The following PDE1A variants were observed in gnomAD, a reference collection of about 807,000 sequenced individuals.
PDE1A encodes phosphodiesterase 1A.
A neutral mutation model predicts 61.7 loss-of-function variants in PDE1A; 35 were observed. That is an observed-to-expected ratio of 0.57 (90% CI 0.43 to 0.75). PDE1A has a LOEUF of 0.75. Ranked by LOEUF, PDE1A falls within the 30% of genes least tolerant of loss-of-function variation. The probability of loss-of-function intolerance (pLI) is 0.00; values close to 1 mark genes in which losing one functional copy is unlikely to be tolerated. For synonymous variants in PDE1A, 232 were observed against 213.2 expected (o/e 1.09, Z -0.77); for missense variants, 597 against 630.6 (o/e 0.95, Z 0.57).
At chr2:182,302,219 T>G (rs1695291758) in intron 1 of PDE1A, among the ~76,000 whole-genome samples, 1 of 152,186 alleles carries the variant, frequency 6.6e-6, no homozygotes, top group African/African-American at 2.4e-5. Flanking sequence ...ATCTGACTTT[T>G]TTCTCTGGCT....
chr2:182,562,971 G>A, the PDE1A span, among the ~76,000 whole-genome samples: 5 of 152,038 alleles, frequency 3.3e-5, no homozygotes, highest in African/African-American at 9.7e-5. Flanking sequence ...TCTTGCTAGT[G>A]CTCCATCAAT....
chr2:182,630,969 C>A, the PDE1A span, among the ~76,000 whole-genome samples: 1 of 151,930 alleles, frequency 6.6e-6, no homozygotes, highest in African/African-American at 2.4e-5. Flanking sequence ...CAGAACTAAT[C>A]TAATGTACAT....
At chr2:182,607,947 C>A in the PDE1A span, among the ~76,000 whole-genome samples, 43,499 of 152,004 alleles carry the variant, frequency 0.29, 6,616 homozygotes, top group Non-Finnish European at 0.35. Context: ...GTACATTTGG[C>A]AAAAATGACC....
the PDE1A span, among the ~76,000 whole-genome samples, chr2:182,691,502 T>C: frequency 2.9e-4 from 44 of 152,340 alleles, no homozygotes; most frequent in African/African-American, 1.1e-3. Context: ...ACTGGATCCC[T>C]TCCTTGCACC....
intron 2 of PDE1A, among the ~76,000 whole-genome samples, chr2:182,488,538 C>T (rs1279693547): frequency 6.6e-6 from 1 of 152,122 alleles, no homozygotes; most frequent in Non-Finnish European, 1.5e-5. Context: ...AGATATTGTA[C>T]TGTAGTGTTG....
At chr2:182,587,271 T>C in the PDE1A span, among the ~76,000 whole-genome samples, 49,321 of 152,008 alleles carry the variant, frequency 0.32, 8,471 homozygotes, top group Middle Eastern at 0.4. Flanking sequence ...ACAATGCTAG[T>C]TGGGGTCCCC....
At chr2:182,402,813 C>T (rs1395950297) in intron 1 of PDE1A, among the ~76,000 whole-genome samples, 3 of 152,170 alleles carry the variant, frequency 2.0e-5, no homozygotes. Flanking sequence ...TCTACAAAAA[C>T]TTAAACAAAT....
Position 182,404,715 on chromosome 2 carries a change from G to T in PDE1A, c.53+21863C>A, listed in dbSNP as rs149109375. On this transcript the variant is annotated intron_variant, in intron 1 of 13. Coordinates refer to ENST00000351439, the Ensembl canonical transcript of PDE1A. ...ACACATTACCCTAGGGCCACACAAGGTCAGGATAATATCACTGTCTTCCTC... is the reference window on the plus strand; with the variant it reads ...ACACATTACCCTAGGGCCACACAAGTTCAGGATAATATCACTGTCTTCCTC... Among the ~76,000 whole-genome samples, 371 of 152,086 alleles carry T rather than the reference G, an allele frequency of 2.4e-3. 7 individuals are homozygous for T. The highest frequency in any genetic ancestry group is 0.015 in the East Asian group (80 of 5,166).
At chr2:182,176,822 T>C (rs1440741859) in intron 13 of PDE1A, among the ~76,000 whole-genome samples, 130 of 151,236 alleles carry the variant, frequency 8.6e-4, no homozygotes, top group African/African-American at 3.1e-3. Flanking sequence ...GGCTGTGGGT[T>C]TGTCATAGAT....
the PDE1A span, among the ~76,000 whole-genome samples, chr2:182,658,180 T>C: frequency 4.0e-5 from 6 of 151,828 alleles, no homozygotes; most frequent in Non-Finnish European, 4.4e-5. Context: ...TATTCTCCCA[T>C]TTCTAGAGGC....
chr2:182,522,274 A>G lies in PDE1A; in HGVS notation c.101+2T>C. On this transcript the variant is annotated splice_donor_variant, in intron 2 of 14. Transcript: ENST00000410103. LOFTEE classifies it high-confidence loss of function. ...GAAATAAAAAGCAAAGAGCATACTC[A>G]CATTCCTTTCAGGCGCTGCCACATT... The G allele has an allele frequency of 6.2e-7, 1 of 1,611,418 alleles. No individual in the cohort carries two copies. Among genetic ancestry groups the G allele is most frequent in the Non-Finnish European group, 8.5e-7 (1 of 1,177,746 alleles).
At chr2:182,221,004 T>C (rs1161897172) in intron 7 of PDE1A, among the ~76,000 whole-genome samples, 1 of 152,028 alleles carries the variant, frequency 6.6e-6, no homozygotes, top group African/African-American at 2.4e-5. Context: ...TTTTTTCCCA[T>C]TTTTATACAG....
At chr2:182,621,188 A>T in the PDE1A span, among the ~76,000 whole-genome samples, 3 of 152,268 alleles carry the variant, frequency 2.0e-5, no homozygotes, top group South Asian at 6.2e-4. Flanking sequence ...CTTGGGTTCT[A>T]CAAACTTCTC....
the PDE1A span, among the ~76,000 whole-genome samples, chr2:182,595,878 C>T: frequency 6.6e-6 from 1 of 152,140 alleles, no homozygotes; most frequent in Non-Finnish European, 1.5e-5. Context: ...CCTGTCAATG[C>T]TTATAAAATA....
intron 2 of PDE1A, among the ~76,000 whole-genome samples, chr2:182,451,913 A>C (rs188553908): frequency 4.7e-4 from 71 of 152,016 alleles, no homozygotes; most frequent in Non-Finnish European, 8.7e-4. Flanking sequence ...ATTCAGTGCC[A>C]AACATGAGCT....
chr2:182,160,625 G>T (rs147376163), intron 13 of PDE1A, among the ~76,000 whole-genome samples: 1 of 152,022 alleles, frequency 6.6e-6, no homozygotes, highest in East Asian at 1.9e-4. Flanking sequence ...CTGCATTCTT[G>T]GCCTCCTTGG....
At chr2:182,636,957 G>A in the PDE1A span, among the ~76,000 whole-genome samples, 93,681 of 152,054 alleles carry the variant, frequency 0.62, 29,097 homozygotes, top group Admixed American at 0.71. Context: ...CAGCAATGGC[G>A]GGTTGAATAC....
At chr2:182,257,869 T>A (rs1413104453) in intron 2 of PDE1A, among the ~76,000 whole-genome samples, 1 of 152,096 alleles carries the variant, frequency 6.6e-6, no homozygotes, top group Admixed American at 6.5e-5. Flanking sequence ...AGTTGTAGAT[T>A]TTTGAAAGCA....
the PDE1A span, among the ~76,000 whole-genome samples, chr2:182,665,000 T>A: frequency 6.6e-6 from 1 of 152,244 alleles, no homozygotes; most frequent in African/African-American, 2.4e-5. Context: ...TGTTAGGACA[T>A]CTTCTTTTAA....
Sources: allele counts gnomAD v4.1 joint callset (sites outside exome capture counted in the v4.1 genomes callset), GRCh38; gene constraint gnomAD v4.1.1; transcripts MANE v1.5; gene names NCBI Gene and HGNC (gene_info 2026-07-23, HGNC 2026-07-21).